The following CHCHD6 variants were observed in gnomAD, a reference collection of about 807,000 sequenced individuals.
The protein encoded by CHCHD6 is MICOS complex subunit MIC25.
In CHCHD6, 28 loss-of-function variants were observed where a neutral mutation model predicts 32.3. The ratio of observed to expected loss-of-function variants is 0.87; its 90% CI spans 0.64 to 1.19. The LOEUF (loss-of-function observed/expected upper bound fraction) is 1.19. Ranked by LOEUF, CHCHD6 falls within the 50% of genes most tolerant of loss-of-function variation. The pLI, the probability that CHCHD6 is intolerant of heterozygous loss-of-function variation, is 0.00. For synonymous variants in CHCHD6, 122 were observed against 117.5 expected (o/e 1.04, Z -0.25); for missense variants, 333 against 307.0 (o/e 1.08, Z -0.63).
chr3:126,791,235 TG>T (rs1340188462), intron 4 of CHCHD6, among the ~76,000 whole-genome samples: 4 of 152,322 alleles, frequency 2.6e-5, no homozygotes, highest in Non-Finnish European at 5.9e-5. Context: ...CTGCCCCTAT[TG>T]GGGGGTGCCT....
At chr3:126,863,324 C>G (rs1255216666) in intron 5 of CHCHD6, among the ~76,000 whole-genome samples, 2 of 91,886 alleles carry the variant, frequency 2.2e-5, no homozygotes, top group African/African-American at 1.4e-4. Flanking sequence ...ATCACCACCT[C>G]CTCCTCCTCC....
At chr3:126,720,940 G>C (rs1935257400) in intron 1 of CHCHD6, among the ~76,000 whole-genome samples, 3 of 152,156 alleles carry the variant, frequency 2.0e-5, no homozygotes, top group Admixed American at 2.0e-4. Context: ...ACTTGGGAAG[G>C]TTTCTCCCTT....
intron 5 of CHCHD6, among the ~76,000 whole-genome samples, chr3:126,885,454 A>G (rs2077666704): frequency 6.6e-6 from 1 of 152,098 alleles, no homozygotes; most frequent in Non-Finnish European, 1.5e-5. Flanking sequence ...ACTGGCCTGC[A>G]CTCCTTTAAA....
intron 1 of CHCHD6, among the ~76,000 whole-genome samples, chr3:126,725,003 C>T (rs747249994): frequency 1.3e-5 from 2 of 152,160 alleles, no homozygotes; most frequent in South Asian, 2.1e-4. Context: ...CAGAGTCATC[C>T]ATGAGGGTTG....
intron 5 of CHCHD6, among the ~76,000 whole-genome samples, chr3:126,863,565 C>CTCT (rs1254270731): frequency 1.5e-5 from 2 of 132,760 alleles, no homozygotes; most frequent in African/African-American, 6.5e-5. Context: ...CCTCCTCCTC[C>CTCT]ACCATCACCA....
chr3:126,877,798 T>A (rs564121971), intron 5 of CHCHD6, among the ~76,000 whole-genome samples: 2 of 152,240 alleles, frequency 1.3e-5, no homozygotes, highest in Non-Finnish European at 2.9e-5. Flanking sequence ...TGTCCTATAG[T>A]TATTAAGACA....
intron 4 of CHCHD6, among the ~76,000 whole-genome samples, chr3:126,805,747 G>A (rs1235954477): frequency 7.2e-5 from 11 of 152,138 alleles, no homozygotes; most frequent in South Asian, 2.1e-4. Context: ...TCGCCAAGTC[G>A]ATCCTAAGCC....
At chr3:126,923,841 G>C (rs1486912138) in intron 6 of CHCHD6, among the ~76,000 whole-genome samples, 1 of 152,240 alleles carries the variant, frequency 6.6e-6, no homozygotes, top group East Asian at 1.9e-4. Flanking sequence ...ACATTTTAGT[G>C]AGAGATTGGA....
chr3:126,794,002 T>G (rs1421509206), intron 4 of CHCHD6, among the ~76,000 whole-genome samples: 1 of 152,176 alleles, frequency 6.6e-6, no homozygotes, highest in Non-Finnish European at 1.5e-5. Context: ...CATTCATTTC[T>G]TGTACTTTCA....
intron 6 of CHCHD6, among the ~76,000 whole-genome samples, chr3:126,939,828 T>C (rs2078534008): frequency 6.6e-6 from 1 of 152,222 alleles, no homozygotes. Context: ...TCAAAAAATA[T>C]TCGTTGAGTT....
chr3:126,776,692 G>A (rs1937664432), intron 4 of CHCHD6, among the ~76,000 whole-genome samples: 1 of 152,148 alleles, frequency 6.6e-6, no homozygotes, highest in Admixed American at 6.5e-5. Context: ...ACTCTGAGTA[G>A]TTGTTACCAT....
chr3:126,707,037 T>A (rs1934519583), intron 1 of CHCHD6, among the ~76,000 whole-genome samples: 1 of 152,048 alleles, frequency 6.6e-6, no homozygotes, highest in Non-Finnish European at 1.5e-5. Context: ...GAGGCCGAAG[T>A]GGGCAGATCA....
At chr3:126,744,359 C>T (rs966825411) in intron 4 of CHCHD6, among the ~76,000 whole-genome samples, 3 of 152,236 alleles carry the variant, frequency 2.0e-5, no homozygotes, top group African/African-American at 7.2e-5. Context: ...CCATTGCTGG[C>T]TACTGGCAAG....
At chr3:126,871,261 T>G (rs1451520674) in intron 5 of CHCHD6, among the ~76,000 whole-genome samples, 2 of 152,188 alleles carry the variant, frequency 1.3e-5, no homozygotes, top group Non-Finnish European at 1.5e-5. Flanking sequence ...CTAATCCAAT[T>G]TTAAAAGCCC....
intron 1 of CHCHD6, among the ~76,000 whole-genome samples, chr3:126,704,779 TG>T (rs1394679701): frequency 6.6e-6 from 1 of 152,176 alleles, no homozygotes; most frequent in Non-Finnish European, 1.5e-5. Flanking sequence ...GTCTCCCACC[TG>T]GGCTTTGCCT....
chr3:126,923,944 C>T (rs1176905942), intron 6 of CHCHD6, among the ~76,000 whole-genome samples: 2 of 152,158 alleles, frequency 1.3e-5, no homozygotes, highest in African/African-American at 4.8e-5. Context: ...CATAGGAGCC[C>T]ACAGCTCTCC....
At chr3:126,788,458 A>G (rs990253941) in intron 4 of CHCHD6, among the ~76,000 whole-genome samples, 1 of 151,988 alleles carries the variant, frequency 6.6e-6, no homozygotes, top group African/African-American at 2.4e-5. Context: ...CTGGTGTTGG[A>G]CTTTTTTTGG....
chr3:126,747,095 C>T (rs1258185096), intron 4 of CHCHD6, among the ~76,000 whole-genome samples: 3 of 152,198 alleles, frequency 2.0e-5, no homozygotes, highest in South Asian at 2.1e-4. Flanking sequence ...CTACTGGTTG[C>T]TTCTCTTCCG....
At chr3:126,788,181 G>A (rs971160966) in intron 4 of CHCHD6, among the ~76,000 whole-genome samples, 3 of 152,206 alleles carry the variant, frequency 2.0e-5, no homozygotes, top group African/African-American at 7.2e-5. Flanking sequence ...AAGCCCACTT[G>A]ATCATGGTGG....
Sources: gnomAD v4.1 joint callset for allele counts (sites outside exome capture counted in the v4.1 genomes callset) on GRCh38, gnomAD v4.1.1 for gene constraint, MANE v1.5 for transcripts, NCBI Gene and HGNC (gene_info 2026-07-23, HGNC 2026-07-21) for gene names.